EPN2: variants seen among roughly 807,000 people sequenced by gnomAD.
The protein encoded by EPN2 is epsin-2.
A neutral mutation model predicts 61.7 loss-of-function variants in EPN2; 34 were observed. That is an observed-to-expected ratio of 0.55 (90% CI 0.42 to 0.73). EPN2 has a LOEUF of 0.73. Among genes scored for constraint, EPN2 ranks in the 30% least tolerant of loss-of-function variants. The pLI, the probability that EPN2 is intolerant of heterozygous loss-of-function variation, is 0.00. For synonymous variants in EPN2, 349 were observed against 353.6 expected, an observed-to-expected ratio of 0.99 and a Z score of 0.15; for missense variants, 714 against 839.2, an observed-to-expected ratio of 0.85 and a Z score of 1.84.
At chr17:19,322,761 G>C (rs1341006768) in intron 7 of EPN2, among the ~76,000 whole-genome samples, 1 of 150,268 alleles carries the variant, frequency 6.7e-6, no homozygotes, top group Non-Finnish European at 1.5e-5. Context: ...AAAAAAAAAG[G>C]TAGTGGCTGG....
chr17:19,248,105 G>T (rs1435924315), intron 1 of EPN2, among the ~76,000 whole-genome samples: 2 of 152,178 alleles, frequency 1.3e-5, no homozygotes, highest in African/African-American at 4.8e-5. Context: ...GGGATTGGAA[G>T]GGGAAAATTG....
chr17:19,315,535 G>A (rs1674249390), intron 7 of EPN2, among the ~76,000 whole-genome samples: 1 of 151,890 alleles, frequency 6.6e-6, no homozygotes, highest in Non-Finnish European at 1.5e-5. Context: ...TGCCCAGGCT[G>A]GAGTGCAGTG....
chr17:19,301,644 T>TG (rs1905525596), intron 4 of EPN2, among the ~76,000 whole-genome samples: 1 of 152,182 alleles, frequency 6.6e-6, no homozygotes, highest in South Asian at 2.1e-4. Flanking sequence ...CATGTGCCCT[T>TG]GGGTGCCTCT....
intron 4 of EPN2, chr17:19,308,697 C>T (rs1180482861): frequency 2.0e-6 from 2 of 984,760 alleles, no homozygotes; most frequent in Non-Finnish European, 2.4e-6. Flanking sequence ...CCAAATCTCT[C>T]AGAGGGCAGG....
Position 19,285,566 on chromosome 17 carries a change from G to A in EPN2, c.596-54G>A, listed in dbSNP as rs1385413635. 3.0e-5 allele frequency: 42 copies of A among 1,419,808 alleles called. No individual in the cohort carries two copies. The highest frequency in any genetic ancestry group is 3.7e-5 in the Non-Finnish European group (40 of 1,081,070). The allele number at this position is 1,419,808 out of a possible 1,614,324, so 88.0% of individuals were successfully genotyped here. ...CCGTACCTCCTGCAGGGGCTGCTGC[G>A]CACCCTCTAATGGCGTGTCTCTCTG... On this transcript the variant is annotated intron_variant, in intron 3 of 10. Transcript: ENST00000314728. The surrounding 1 kb of genome is among the most constrained non-coding windows in gnomAD (Gnocchi z 4.5).
At chr17:19,308,116 C>T in intron 4 of EPN2, 1 of 829,080 alleles carries the variant, frequency 1.2e-6, no homozygotes, top group Non-Finnish European at 1.5e-6. Flanking sequence ...CTCTTTTGCC[C>T]AGGCTGGAGT....
intron 4 of EPN2, among the ~76,000 whole-genome samples, chr17:19,291,554 C>T (rs1567856637): frequency 6.6e-6 from 1 of 150,932 alleles, no homozygotes; most frequent in Non-Finnish European, 1.5e-5. Context: ...TCTCCTGCCT[C>T]AGCCTCCTGA....
intron 1 of EPN2, among the ~76,000 whole-genome samples, chr17:19,278,050 C>T (rs924772750): frequency 2.2e-5 from 3 of 136,374 alleles, no homozygotes; most frequent in African/African-American, 8.5e-5. Flanking sequence ...CCAGCCTGGG[C>T]GACAGAGCGA....
chr17:19,239,413 A>G (rs940266087), intron 1 of EPN2, among the ~76,000 whole-genome samples: 4 of 152,214 alleles, frequency 2.6e-5, no homozygotes, highest in Non-Finnish European at 4.4e-5. Flanking sequence ...CGGCCTCCCA[A>G]AGTGCTGGGA....
At chr17:19,268,700 G>A (rs1269511024) in intron 1 of EPN2, among the ~76,000 whole-genome samples, 1 of 152,214 alleles carries the variant, frequency 6.6e-6, no homozygotes, top group African/African-American at 2.4e-5. Context: ...ACTTTTCACA[G>A]TAGCAAAAAT....
intron 1 of EPN2, among the ~76,000 whole-genome samples, chr17:19,259,222 G>C (rs2045113387): frequency 6.6e-6 from 1 of 151,958 alleles, no homozygotes; most frequent in Non-Finnish European, 1.5e-5. Context: ...TTCTCCTTTT[G>C]GTGATAGGGA....
rs1365806069 is a variant in EPN2, at chr17:19,326,704, A to AAAAAG, written c.1148-2005_1148-2004insAAGAA. Reference sequence around the variant, plus strand: ...TCCGTCTCAAAAAAAAAAAAAAAAAAAAGTGCAAGGACGGAAATAGGTAAA... The same window carrying AAAAAG: ...TCCGTCTCAAAAAAAAAAAAAAAAAAAAAAGAAGTGCAAGGACGGAAATAGGTAAA... On this transcript the variant is annotated intron_variant, in intron 7 of 10. Transcript: ENST00000314728. Among the ~76,000 whole-genome samples, 4 of 151,500 alleles carry AAAAAG rather than the reference A, an allele frequency of 2.6e-5. No individual in the cohort carries two copies. In the East Asian group the frequency reaches 5.9e-4, roughly 22 times the overall value.
chr17:19,304,034 T>G (rs9915473), intron 4 of EPN2: 7,299 of 152,146 alleles, frequency 0.048, 222 homozygotes, highest in East Asian at 0.11. Flanking sequence ...ACTCGGGAGG[T>G]GGAGGTTGAA....
intron 4 of EPN2, among the ~76,000 whole-genome samples, chr17:19,299,385 CT>C: frequency 6.6e-6 from 1 of 152,388 alleles, no homozygotes; most frequent in East Asian, 1.9e-4. Flanking sequence ...TGGCTTACGC[CT>C]GGAGAGCTGC....
intron 1 of EPN2, among the ~76,000 whole-genome samples, chr17:19,275,328 A>G (rs1450603552): frequency 6.6e-6 from 1 of 152,254 alleles, no homozygotes; most frequent in Admixed American, 6.5e-5. Context: ...GATCAAAAGC[A>G]CACATTGCTG....
chr17:19,255,464 A>ATTTG (rs2045065240), intron 1 of EPN2, among the ~76,000 whole-genome samples: 1 of 136,660 alleles, frequency 7.3e-6, no homozygotes, highest in African/African-American at 2.7e-5. Flanking sequence ...TTATTTATTT[A>ATTTG]TTTATTTATT....
intron 1 of EPN2, among the ~76,000 whole-genome samples, chr17:19,278,420 A>G (rs893485269): frequency 1.3e-5 from 2 of 152,328 alleles, no homozygotes; most frequent in East Asian, 1.9e-4. Context: ...CACTTCTTAC[A>G]TGGCAGCAAC....
At chr17:19,262,704 C>A (rs562700577) in intron 1 of EPN2, among the ~76,000 whole-genome samples, 2 of 151,056 alleles carry the variant, frequency 1.3e-5, no homozygotes, top group Non-Finnish European at 2.9e-5. Flanking sequence ...CATTTTATTA[C>A]CCCCAAAAGC....
At chr17:19,320,669 C>T (rs1906597381) in intron 7 of EPN2, among the ~76,000 whole-genome samples, 1 of 152,198 alleles carries the variant, frequency 6.6e-6, no homozygotes, top group Non-Finnish European at 1.5e-5. Flanking sequence ...TAGTCTGGTG[C>T]CCCCTGGCCC....
Sources: gnomAD v4.1 joint callset for allele counts (sites outside exome capture counted in the v4.1 genomes callset) on GRCh38, gnomAD v4.1.1 for gene constraint, Gnocchi (gnomAD v3.1) non-coding constraint, MANE v1.5 for transcripts, NCBI Gene and HGNC (gene_info 2026-07-23, HGNC 2026-07-21) for gene names.